Variants in TUBG2 observed in about 807,000 individuals in gnomAD.
The protein encoded by TUBG2 is tubulin gamma-2 chain.
A neutral mutation model predicts 55.1 loss-of-function variants in TUBG2; 39 were observed. The ratio of observed to expected loss-of-function variants is 0.71; its 90% CI spans 0.55 to 0.93. TUBG2 has a LOEUF of 0.93. Ranked by LOEUF, TUBG2 falls within the 40% of genes least tolerant of loss-of-function variation. The probability of loss-of-function intolerance (pLI) is 0.00; values close to 1 mark genes in which losing one functional copy is unlikely to be tolerated. For synonymous variants in TUBG2, 223 were observed against 241.0 expected (o/e 0.93, Z 0.69); for missense variants, 358 against 599.1 (o/e 0.60, Z 4.20).
rs945355334 is a variant in TUBG2, at chr17:42,659,524, C to T, written c.21C>T (p.Thr7=). The change falls in exon 1 of 11, where the codon ACC becomes ACT. Residue 7 remains threonine, a synonymous_variant. Coordinates refer to ENST00000251412, the MANE Select transcript of TUBG2 (RefSeq NM_016437.3). ...GAGCGATGCCCCGGGAGATCATCAC[C>T]CTGCAGCTGGGCCAGTGCGGCAACC... MPREII[T]LQLGQCGNQI... 54 of 1,553,554 alleles carry T rather than the reference C, an allele frequency of 3.5e-5. No homozygotes were observed. Among genetic ancestry groups the T allele is most frequent in the Non-Finnish European group, 4.5e-5 (52 of 1,149,226 alleles).
Position 42,666,848 on chromosome 17 carries a change from C to G in TUBG2, c.*48C>G. On this transcript the variant is annotated 3_prime_UTR_variant, in exon 11 of 11. Coordinates refer to ENST00000251412, the MANE Select transcript of TUBG2 (RefSeq NM_016437.3). ...TCCTTCTAGATGGTAACCACAGCCT[C>G]GACCATGCCTGCTCCCTCTGACCCA... 1 of 1,601,980 alleles carries G rather than the reference C, an allele frequency of 6.2e-7. No homozygotes were observed. Among genetic ancestry groups the G allele is most frequent in the Non-Finnish European group, 8.5e-7 (1 of 1,170,380 alleles).
At position 42,665,719 on chromosome 17, in the gene TUBG2, C is replaced by A; in HGVS notation, c.735C>A (p.Tyr245Ter). 6.2e-7 allele frequency: 1 copy of A among 1,614,206 alleles called. No individual in the cohort carries two copies. Among genetic ancestry groups the A allele is most frequent in the Non-Finnish European group, 8.5e-7 (1 of 1,180,010 alleles). The stretch of plus-strand genomic sequence containing the variant: ...CGGCCAGCACCACCACCCTGCGCTA[C>A]CCCGGCTACATGAACAATGACCTCA... ...IMSASTTTLR[Y>*]PGYMNNDLIG... is the part of the protein sequence containing the mutation. Residue 245 changes from tyrosine (Y) to a stop codon, truncating the protein, a stop_gained, in exon 8 of 11, where the codon TAC becomes TAA. Transcript: ENST00000251412. LOFTEE classifies it high-confidence loss of function.
At chr17:42,663,181 T>C in intron 5 of TUBG2, 129 bp downstream of exon 5, 3 of 1,251,230 alleles carry the variant, frequency 2.4e-6, no homozygotes, top group South Asian at 2.9e-5. Flanking sequence ...CCAAGGACCA[T>C]GTTGGAAGCT....
At chr17:42,662,210 A>G (rs2052404062) in intron 4 of TUBG2, among the ~76,000 whole-genome samples, 1 of 151,904 alleles carries the variant, frequency 6.6e-6, no homozygotes, top group Admixed American at 6.6e-5. Context: ...AGGCTGAGAT[A>G]GGAAGATGCC....
intron 2 of TUBG2, 41 bp from the exon 3 acceptor site, chr17:42,660,108 G>C (rs761434388): frequency 6.9e-7 from 1 of 1,442,238 alleles, no homozygotes; most frequent in African/African-American, 1.4e-5. Context: ...GACTTGGGCC[G>C]CCCTAGCTGA....
chr17:42,662,070 C>T (rs1030885492), intron 4 of TUBG2, among the ~76,000 whole-genome samples: 3 of 152,262 alleles, frequency 2.0e-5, no homozygotes, highest in South Asian at 2.1e-4. Flanking sequence ...TTTGGGAGGC[C>T]GAAGCAGGTG....
Position 42,666,819 on chromosome 17 carries a change from C to CT in TUBG2, c.*21dup. Reference sequence around the variant, plus strand: ...GCAGTGATTTCCCTCCCCACTACTCCTTCTCCTTCTAGATGGTAACCACAG... The same window carrying CT: ...GCAGTGATTTCCCTCCCCACTACTCCTTTCTCCTTCTAGATGGTAACCACAG... On this transcript the variant is annotated 3_prime_UTR_variant, in exon 11 of 11. Transcript: ENST00000251412. 6.2e-7 allele frequency: 1 copy of CT among 1,613,614 alleles called. No individual in the cohort carries two copies. The highest frequency in any genetic ancestry group is 8.5e-7 in the Non-Finnish European group (1 of 1,179,670).
At position 42,665,698 on chromosome 17, in the gene TUBG2, C is replaced by T. The variant is rs754686259; in HGVS notation, c.714C>T (p.Ala238=). The T allele has an allele frequency of 6.2e-7, 1 of 1,614,178 alleles. No individual in the cohort carries two copies. The highest frequency in any genetic ancestry group is 1.7e-5 in the Admixed American group (1 of 60,028). ...INQLVSTIMS[A]STTTLRYPGY... ...CCCAGGTGTCCACCATCATGTCGGC[C>T]AGCACCACCACCCTGCGCTACCCCG... The change falls in exon 8 of 11, where the codon GCC becomes GCT. Residue 238 remains alanine (A), a synonymous_variant. Coordinates refer to ENST00000251412, the MANE Select transcript of TUBG2 (RefSeq NM_016437.3).
chr17:42,659,407 C>A lies in TUBG2; in HGVS notation c.-97C>A. On this transcript the variant is annotated 5_prime_UTR_variant, in exon 1 of 11. Coordinates refer to ENST00000251412, the MANE Select transcript of TUBG2 (RefSeq NM_016437.3). ...CATCCGCGTCAAGAGGCGAAGAGAG[C>A]GCGCGCTCCCCACGTCCTGCGCTCC... The A allele has an allele frequency of 1.5e-6, 2 of 1,298,094 alleles. No homozygotes were observed. The highest frequency in any genetic ancestry group is 2.6e-5 in the East Asian group (1 of 37,980). 80.4% of individuals were successfully genotyped at this position (1,298,094 alleles called of 1,614,324 possible).
chr17:42,663,325 G>C, intron 5 of TUBG2, 52 bp from the exon 6 acceptor site: 1 of 1,610,350 alleles, frequency 6.2e-7, no homozygotes, highest in Non-Finnish European at 8.5e-7. Flanking sequence ...CATATGGGCA[G>C]TGATGGAGGG....
At position 42,666,983 on chromosome 17, in the gene TUBG2, T is replaced by G; in HGVS notation, c.*183T>G. 1.6e-6 allele frequency: 1 copy of G among 629,288 alleles called. No individual in the cohort carries two copies. The allele number at this position is 629,288 out of a possible 1,614,324, so 39.0% of individuals were successfully genotyped here. On this transcript the variant is annotated 3_prime_UTR_variant, in exon 11 of 11. Coordinates refer to ENST00000251412, the MANE Select transcript of TUBG2 (RefSeq NM_016437.3). The stretch of plus-strand genomic sequence containing the variant: ...ATATGCTTGTTCAGCTCTAATAAAG[T>G]AATAAAGCTTGGTTGTCAGTATAGC...
intron 6 of TUBG2, 21 bp from the exon 7 acceptor site, chr17:42,665,455 G>A: frequency 6.2e-7 from 1 of 1,614,064 alleles, no homozygotes. Context: ...AAGATGCTGT[G>A]ATGCTCTTCT....
At chr17:42,663,148 T>G (rs1183124911) in intron 5 of TUBG2, 96 bp downstream of exon 5, 1 of 1,418,772 alleles carries the variant, frequency 7.0e-7, no homozygotes, top group African/African-American at 1.4e-5. Context: ...ACTACCCCTT[T>G]TGAGTCATAG....
At position 42,659,312 on chromosome 17, in the gene TUBG2, A is replaced by T. The variant is rs1649240803; in HGVS notation, c.-192A>T. ...CCAGCTGCGACTGCTGAGGGAGAAA[A>T]TGATGCCCAGGTTGGGCTCCCCGGC... On this transcript the variant is annotated 5_prime_UTR_variant, in exon 1 of 11. The change abolishes an upstream ATG in the 5' untranslated region. Coordinates refer to ENST00000251412, the MANE Select transcript of TUBG2 (RefSeq NM_016437.3). The T allele has an allele frequency of 1.8e-6, 1 of 544,776 alleles. No homozygotes were observed. Among genetic ancestry groups the T allele is most frequent in the African/African-American group, 2.0e-5 (1 of 49,810 alleles). 33.7% of individuals were successfully genotyped at this position (544,776 alleles called of 1,614,324 possible). A position where few individuals can be genotyped will look rare whatever the true frequency, so the allele number is the denominator to read the frequency against.
rs1351395812 is a variant in TUBG2, at chr17:42,663,036, G to C, written c.463G>C (p.Glu155Gln). The change falls in exon 5 of 11, where the codon GAG becomes CAG. Residue 155 changes from glutamate (E) to glutamine (Q), a missense_variant. Transcript: ENST00000251412. ...TGSGLGSYLL[E>Q]RLNDRYPKKL... ...TTCTGGCCTGGGCTCCTACCTCCTG[G>C]AGCGACTGAATGACAGGCAAGCCTG... 1 of 1,614,078 alleles carries C rather than the reference G, an allele frequency of 6.2e-7. No homozygotes were observed. Among genetic ancestry groups the C allele is most frequent in the African/African-American group, 1.3e-5 (1 of 75,024 alleles).
Position 42,666,409 on chromosome 17 carries a change from G to A in TUBG2, c.1083G>A (p.Ser361=), listed in dbSNP as rs1305858518. 25 of 1,614,064 alleles carry A rather than the reference G, an allele frequency of 1.5e-5. No homozygotes were observed. Among genetic ancestry groups the A allele is most frequent in the African/African-American group, 6.7e-5 (5 of 74,940 alleles). ...WGPASIQVAL[S]RKSPYLPSAH... ...CCGCCAGCATCCAGGTGGCCCTGTC[G>A]AGGAAGTCTCCCTACCTGCCCTCGG... is the stretch of plus-strand genomic sequence containing the variant. The change falls in exon 10 of 11, where the codon TCG becomes TCA. Residue 361 remains serine, a synonymous_variant. Transcript: ENST00000251412.
intron 7 of TUBG2, 48 bp downstream of exon 7, chr17:42,665,610 G>A: frequency 6.2e-7 from 1 of 1,614,086 alleles, no homozygotes; most frequent in South Asian, 1.1e-5. Flanking sequence ...CCTCCTTGCT[G>A]GAGGGTCATC....
intron 2 of TUBG2, 93 bp downstream of exon 2, chr17:42,660,039 G>A: frequency 7.3e-7 from 1 of 1,372,248 alleles, no homozygotes; most frequent in Non-Finnish European, 1.0e-6. Context: ...TGGGCAGTAG[G>A]GCCAGGCGGC....
Position 42,659,354 on chromosome 17 carries a change from G to A in TUBG2, c.-150G>A, listed in dbSNP as rs2052326441. 1.2e-5 allele frequency: 9 copies of A among 780,944 alleles called. No homozygotes were observed. The highest frequency in any genetic ancestry group is 1.7e-5 in the Non-Finnish European group (9 of 515,708). The allele number at this position is 780,944 out of a possible 1,614,324, so 48.4% of individuals were successfully genotyped here. On this transcript the variant is annotated 5_prime_UTR_variant, in exon 1 of 11. Coordinates refer to ENST00000251412, the MANE Select transcript of TUBG2 (RefSeq NM_016437.3). ...CTCCCCGGCCCACCGGCCGAGGAGA[G>A]GCCTGCGCTGCACACGCGCAGACCG...
Sources: allele counts gnomAD v4.1 joint callset (sites outside exome capture counted in the v4.1 genomes callset), GRCh38; gene constraint gnomAD v4.1.1; transcripts MANE v1.5; gene names NCBI Gene and HGNC (gene_info 2026-07-23, HGNC 2026-07-21).